The following ERC1 variants were observed in gnomAD, a reference collection of about 807,000 sequenced individuals.
ERC1 encodes the protein ELKS/RAB6-interacting/CAST family member 1, also known as RAB6 interacting protein 2.
In ERC1, 56 loss-of-function variants were observed where a neutral mutation model predicts 132.0. The observed-to-expected ratio is 0.42, with a 90% confidence interval of 0.34 to 0.53. ERC1 has a LOEUF of 0.53. Among genes scored for constraint, ERC1 ranks in the 20% least tolerant of loss-of-function variants. The pLI, the probability that ERC1 is intolerant of heterozygous loss-of-function variation, is 0.03. For synonymous variants in ERC1, 478 were observed against 476.1 expected (o/e 1.00, Z -0.05); for missense variants, 1,202 against 1,349.9 (o/e 0.89, Z 1.72).
At chr12:1,480,649 T>C (rs1168359621) in intron 18 of ERC1, among the ~76,000 whole-genome samples, 4 of 152,276 alleles carry the variant, frequency 2.6e-5, no homozygotes, top group African/African-American at 9.6e-5. Flanking sequence ...CACAATTTAA[T>C]TTGTATTCTT....
At chr12:1,229,248 T>A (rs1566315876) in intron 12 of ERC1, among the ~76,000 whole-genome samples, 1 of 152,188 alleles carries the variant, frequency 6.6e-6, no homozygotes, top group Non-Finnish European at 1.5e-5. Flanking sequence ...CAGTGTGTAA[T>A]CCCAGCATTT....
intron 2 of ERC1, among the ~76,000 whole-genome samples, chr12:1,070,289 ACTTT>A (rs1940091304): frequency 6.7e-6 from 1 of 150,040 alleles, no homozygotes; most frequent in South Asian, 2.1e-4. Flanking sequence ...TTTTTTTCTT[ACTTT>A]CTTTTTTTCT....
At chr12:1,252,606 A>G (rs1594558880) in intron 13 of ERC1, among the ~76,000 whole-genome samples, 1 of 152,206 alleles carries the variant, frequency 6.6e-6, no homozygotes, top group East Asian at 1.9e-4. Flanking sequence ...AATGAAATAC[A>G]TCTGCTTTTG....
chr12:1,013,932 T>G (rs1015177340), intron 1 of ERC1, among the ~76,000 whole-genome samples: 4 of 152,056 alleles, frequency 2.6e-5, no homozygotes, highest in African/African-American at 9.7e-5. Context: ...GACGAGGTCT[T>G]GCCGTGTTGC....
At chr12:1,202,401 T>C (rs1415067592) in intron 12 of ERC1, among the ~76,000 whole-genome samples, 1 of 152,216 alleles carries the variant, frequency 6.6e-6, no homozygotes, top group Non-Finnish European at 1.5e-5. Context: ...CTCATGCTTG[T>C]AATCCTAGCA....
chr12:1,142,417 A>G (rs1949939876), intron 8 of ERC1, among the ~76,000 whole-genome samples: 3 of 152,232 alleles, frequency 2.0e-5, no homozygotes, highest in Admixed American at 6.5e-5. Context: ...CTTCCTTTAC[A>G]TAAAATGATT....
intron 8 of ERC1, among the ~76,000 whole-genome samples, chr12:1,161,099 C>G (rs1319442387): frequency 2.0e-5 from 3 of 152,134 alleles, no homozygotes; most frequent in African/African-American, 4.8e-5. Context: ...CTTTCTAAAC[C>G]GTCCTCATTC....
intron 16 of ERC1, among the ~76,000 whole-genome samples, chr12:1,388,735 G>A (rs1370416059): frequency 6.6e-6 from 1 of 152,144 alleles, no homozygotes; most frequent in Non-Finnish European, 1.5e-5. Flanking sequence ...TTAAAAACAG[G>A]GAGACTGTTT....
chr12:1,196,656 G>A (rs530117768), intron 12 of ERC1, among the ~76,000 whole-genome samples: 28 of 151,778 alleles, frequency 1.8e-4, no homozygotes, highest in African/African-American at 6.0e-4. Context: ...ACCATGCCCA[G>A]CTAACTGCTT....
intron 6 of ERC1, among the ~76,000 whole-genome samples, chr12:1,113,429 T>G (rs1007324130): frequency 2.6e-5 from 4 of 152,196 alleles, no homozygotes; most frequent in South Asian, 2.1e-4. Context: ...ACAGGCAGTC[T>G]TCTTCCACAT....
intron 12 of ERC1, among the ~76,000 whole-genome samples, chr12:1,218,588 A>G (rs955386242): frequency 6.6e-6 from 1 of 152,176 alleles, no homozygotes; most frequent in Admixed American, 6.5e-5. Flanking sequence ...TCAAGTTATC[A>G]TAAATATCCA....
chr12:1,006,951 T>C (rs550408991), intron 1 of ERC1, among the ~76,000 whole-genome samples: 1 of 150,018 alleles, frequency 6.7e-6, no homozygotes, highest in East Asian at 1.9e-4. Flanking sequence ...GTGTATATAG[T>C]ATATATAATA....
chr12:1,258,328 A>G (rs542314130), intron 13 of ERC1, among the ~76,000 whole-genome samples: 2 of 152,280 alleles, frequency 1.3e-5, no homozygotes, highest in South Asian at 4.1e-4. Flanking sequence ...CTCATAGTTT[A>G]TCATGAAGGT....
intron 2 of ERC1, among the ~76,000 whole-genome samples, chr12:1,030,454 A>G (rs1967804480): frequency 2.6e-5 from 4 of 152,160 alleles, no homozygotes; most frequent in Non-Finnish European, 4.4e-5. Context: ...CAGGTGTGGT[A>G]GCTCGCACCT....
At position 1,205,599 on chromosome 12, in the gene ERC1, T is replaced by TA. The variant is rs144950154; in HGVS notation, c.2351+15550dup. Among the ~76,000 whole-genome samples the TA allele has an allele frequency of 1.6e-3, 242 of 152,140 alleles. 1 individual carries two copies. Among genetic ancestry groups the TA allele is most frequent in the Admixed American group, 4.5e-3 (69 of 15,272 alleles). On this transcript the variant is annotated intron_variant, in intron 12 of 18. Coordinates refer to ENST00000360905, the MANE Select transcript of ERC1 (RefSeq NM_178040.4). The stretch of plus-strand genomic sequence containing the variant: ...GCTGTATTCATTACAGAAGGAATCT[T>TA]AAAGTGTTTGTAATAAAAATAGCAA...
intron 13 of ERC1, chr12:1,244,453 ATAAT>A (rs1371557865): frequency 1.4e-5 from 6 of 425,650 alleles, no homozygotes; most frequent in Admixed American, 2.5e-5. Context: ...GTTAAGTATA[ATAAT>A]TCTAGTATTA....
chr12:1,342,644 G>T (rs567432733), intron 15 of ERC1, among the ~76,000 whole-genome samples: 16 of 152,210 alleles, frequency 1.1e-4, no homozygotes, highest in Non-Finnish European at 1.9e-4. Context: ...AGCTCTTAAA[G>T]GATAAATCAG....
chr12:1,215,384 T>C (rs746947431), intron 12 of ERC1, among the ~76,000 whole-genome samples: 10 of 152,140 alleles, frequency 6.6e-5, no homozygotes, highest in Admixed American at 5.9e-4. Flanking sequence ...ACTTGGACAA[T>C]AGTAATAAGT....
intron 16 of ERC1, among the ~76,000 whole-genome samples, chr12:1,403,572 CT>C (rs901447396): frequency 5.5e-4 from 84 of 152,224 alleles, no homozygotes; most frequent in African/African-American, 2.0e-3. Flanking sequence ...ATCTTCGTGT[CT>C]TTTTGGAAAT....
Sources: allele counts gnomAD v4.1 joint callset (sites outside exome capture counted in the v4.1 genomes callset), GRCh38; gene constraint gnomAD v4.1.1; transcripts MANE v1.5; gene names NCBI Gene and HGNC (gene_info 2026-07-23, HGNC 2026-07-21).